Variants in NEGR1 observed in about 807,000 individuals in gnomAD.
NEGR1 encodes neuronal growth regulator 1.
In NEGR1, 10 loss-of-function variants were observed where a neutral mutation model predicts 40.9. The ratio of observed to expected loss-of-function variants is 0.24; its 90% CI spans 0.15 to 0.42. The LOEUF is 0.42. Among genes scored for constraint, NEGR1 ranks in the 10% least tolerant of loss-of-function variants. The pLI is 1.00. For synonymous variants in NEGR1, 185 were observed against 166.8 expected (o/e 1.11, Z -0.84); for missense variants, 352 against 438.9 (o/e 0.80, Z 1.77).
At chr1:71,562,781 A>G (rs142920997) in intron 6 of NEGR1, among the ~76,000 whole-genome samples, 202 of 152,106 alleles carry the variant, frequency 1.3e-3, no homozygotes, top group African/African-American at 4.5e-3. Context: ...GACTCCAACA[A>G]TAAAATTTAT....
At chr1:71,759,274 T>G (rs1399054787) in intron 3 of NEGR1, among the ~76,000 whole-genome samples, 1 of 147,718 alleles carries the variant, frequency 6.8e-6, no homozygotes, top group Admixed American at 6.8e-5. Flanking sequence ...GGTTGCATTT[T>G]CCAAGATTAT....
intron 1 of NEGR1, among the ~76,000 whole-genome samples, chr1:72,163,454 T>C (rs555928926): frequency 1.7e-4 from 26 of 152,172 alleles, no homozygotes; most frequent in African/African-American, 6.3e-4. Flanking sequence ...AAACATATAA[T>C]TAGAAAGGAT....
intron 4 of NEGR1, among the ~76,000 whole-genome samples, chr1:71,675,674 T>C (rs1332254293): frequency 6.6e-6 from 1 of 152,098 alleles, no homozygotes; most frequent in East Asian, 1.9e-4. Context: ...AACTGACGTG[T>C]ACTACTAAGA....
At chr1:71,921,638 T>G (rs1173201054) in intron 2 of NEGR1, among the ~76,000 whole-genome samples, 1 of 148,282 alleles carries the variant, frequency 6.7e-6, no homozygotes, top group African/African-American at 2.5e-5. Context: ...TACATATATA[T>G]TCTTATAGAT....
At chr1:72,265,908 C>A (rs1333708880) in intron 1 of NEGR1, among the ~76,000 whole-genome samples, 1 of 150,512 alleles carries the variant, frequency 6.6e-6, no homozygotes, top group Non-Finnish European at 1.5e-5. Flanking sequence ...ATTTTATACT[C>A]CCCTATTCAA....
chr1:71,779,973 G>T (rs990680326), intron 2 of NEGR1, among the ~76,000 whole-genome samples: 1 of 147,018 alleles, frequency 6.8e-6, no homozygotes, highest in African/African-American at 2.6e-5. Flanking sequence ...TCAGAATAAG[G>T]TGTGGTATAG....
intron 1 of NEGR1, among the ~76,000 whole-genome samples, chr1:72,027,557 TA>T (rs1160933102): frequency 6.6e-6 from 1 of 151,938 alleles, no homozygotes; most frequent in Non-Finnish European, 1.5e-5. Context: ...AATTAAAAAA[TA>T]ATATATAAAA....
Position 72,038,936 on chromosome 1 carries a change from A to G in NEGR1, c.177-103625T>C, listed in dbSNP as rs566056278. On this transcript the variant is annotated intron_variant, in intron 1 of 6. Coordinates refer to ENST00000357731, the MANE Select transcript of NEGR1 (RefSeq NM_173808.3). Reference sequence around the variant, plus strand: ...GATATGAGTCAGATTGTGATAAATTATCTAATATGAATATAAACAAAATAA... The same window carrying G: ...GATATGAGTCAGATTGTGATAAATTGTCTAATATGAATATAAACAAAATAA... 2.4e-4 allele frequency among the ~76,000 whole-genome samples: 37 copies of G among 152,168 alleles called. 1 individual carries two copies. In the South Asian group the frequency reaches 7.5e-3, roughly 31 times the overall value.
intron 3 of NEGR1, among the ~76,000 whole-genome samples, chr1:71,773,101 G>T (rs887755811): frequency 6.6e-6 from 1 of 152,148 alleles, no homozygotes; most frequent in African/African-American, 2.4e-5. Context: ...GCTGGCCCCA[G>T]TGATGTTTGT....
chr1:71,482,081 A>G (rs951610747), intron 6 of NEGR1, among the ~76,000 whole-genome samples: 7 of 151,816 alleles, frequency 4.6e-5, no homozygotes, highest in African/African-American at 1.7e-4. Context: ...TATTGATGAA[A>G]CACTGAAACA....
At chr1:71,499,207 G>A (rs1646983838) in intron 6 of NEGR1, among the ~76,000 whole-genome samples, 2 of 151,868 alleles carry the variant, frequency 1.3e-5, no homozygotes, top group Non-Finnish European at 2.9e-5. Context: ...GATTTATTGG[G>A]CTCATGATAT....
At chr1:71,668,147 T>A (rs533336464) in intron 4 of NEGR1, among the ~76,000 whole-genome samples, 39 of 152,320 alleles carry the variant, frequency 2.6e-4, no homozygotes, top group South Asian at 2.1e-4. Context: ...TAGGAATATC[T>A]TTTTTGTGTG....
intron 2 of NEGR1, among the ~76,000 whole-genome samples, chr1:71,867,370 G>A (rs564262294): frequency 1.8e-4 from 27 of 152,280 alleles, no homozygotes; most frequent in African/African-American, 5.8e-4. Flanking sequence ...GTGAGACTCC[G>A]TCGAGGGAGG....
At chr1:71,622,035 G>A (rs1004750314) in intron 4 of NEGR1, among the ~76,000 whole-genome samples, 1 of 151,868 alleles carries the variant, frequency 6.6e-6, no homozygotes, top group Non-Finnish European at 1.5e-5. Flanking sequence ...ACAACGGTTA[G>A]CACTGGTGAA....
chr1:71,737,201 C>T (rs796075491), intron 3 of NEGR1, among the ~76,000 whole-genome samples: 1 of 152,164 alleles, frequency 6.6e-6, no homozygotes, highest in African/African-American at 2.4e-5. Context: ...GAAATAGGCT[C>T]GACCATATCA....
chr1:71,579,025 C>A (rs899684568), intron 6 of NEGR1, among the ~76,000 whole-genome samples: 2 of 152,144 alleles, frequency 1.3e-5, no homozygotes, highest in Admixed American at 6.5e-5. Context: ...AGCTTACGAA[C>A]CAAAGCATTA....
chr1:71,948,342 T>C (rs755199489), intron 1 of NEGR1, among the ~76,000 whole-genome samples: 2 of 152,058 alleles, frequency 1.3e-5, no homozygotes, highest in Non-Finnish European at 2.9e-5. Context: ...CCATATATTA[T>C]AAATATTTAT....
At chr1:72,197,037 C>A (rs1426482620) in intron 1 of NEGR1, among the ~76,000 whole-genome samples, 1 of 151,832 alleles carries the variant, frequency 6.6e-6, no homozygotes, top group African/African-American at 2.4e-5. Context: ...GTAGAATATT[C>A]CAAAATAAAA....
At position 72,050,148 on chromosome 1, in the gene NEGR1, T is replaced by A. The variant is rs1407414942; in HGVS notation, c.177-114837A>T. Among the ~76,000 whole-genome samples the A allele has an allele frequency of 4.0e-5, 6 of 151,626 alleles. No individual in the cohort carries two copies. In the East Asian group the frequency reaches 1.2e-3, roughly 29 times the overall value. On this transcript the variant is annotated intron_variant, in intron 1 of 6. Transcript: ENST00000357731. The stretch of plus-strand genomic sequence containing the variant: ...AAGGTCAAAAAGTTTAAGAAAATCA[T>A]AATTTAAAAATTAATTACATATAGT...
Sources: gnomAD v4.1 joint callset for allele counts (sites outside exome capture counted in the v4.1 genomes callset) on GRCh38, gnomAD v4.1.1 for gene constraint, MANE v1.5 for transcripts, NCBI Gene and HGNC (gene_info 2026-07-23, HGNC 2026-07-21) for gene names.